COL4A2: variants seen among roughly 807,000 people sequenced by gnomAD.
COL4A2 encodes collagen type IV alpha 2 chain, also known as collagen alpha-2(IV) chain.
A neutral mutation model predicts 200.2 loss-of-function variants in COL4A2; 99 were observed. The ratio of observed to expected loss-of-function variants is 0.49; its 90% CI spans 0.42 to 0.58. COL4A2 has a LOEUF of 0.58. COL4A2 is among the 20% of genes least tolerant of loss of function. The probability of loss-of-function intolerance (pLI) is 0.00; values close to 1 mark genes in which losing one functional copy is unlikely to be tolerated. For missense variants in COL4A2, 1,950 were observed against 2,314.1 expected (o/e 0.84, Z 3.23); for synonymous variants, 897 against 900.6 (o/e 1.00, Z 0.07).
intron 4 of COL4A2, among the ~76,000 whole-genome samples, chr13:110,422,202 A>G (rs1344107326): frequency 6.6e-6 from 1 of 152,204 alleles, no homozygotes; most frequent in Non-Finnish European, 1.5e-5. Flanking sequence ...GTGGCATGGT[A>G]TGTAATCTTA....
At chr13:110,440,682 A>T (rs115633061) in intron 16 of COL4A2, among the ~76,000 whole-genome samples, 1 of 152,208 alleles carries the variant, frequency 6.6e-6, no homozygotes, top group Non-Finnish European at 1.5e-5. Flanking sequence ...ACTCTAGGTC[A>T]TACACAATGT....
At chr13:110,404,156 A>G (rs7990844) in intron 4 of COL4A2, among the ~76,000 whole-genome samples, 89,558 of 152,092 alleles carry the variant, frequency 0.59, 26,970 homozygotes, top group Non-Finnish European at 0.66. Context: ...TCAGACCATA[A>G]CAGTTACTGC....
rs546217895 is a variant in COL4A2, at chr13:110,364,392, A to G, written c.180+6840A>G. ...CTCCAAACTGGCCCATTATCTATCA[A>G]ATCCTCAATGGTGTTATAGTGGTTC... On this transcript the variant is annotated intron_variant, in intron 4 of 47. Transcript: ENST00000360467. Among the ~76,000 whole-genome samples, 35 of 152,288 alleles carry G rather than the reference A, an allele frequency of 2.3e-4. No homozygotes were observed. In the South Asian group the frequency reaches 6.2e-3, roughly 27 times the overall value.
At chr13:110,343,129 G>A (rs1876533431) in intron 3 of COL4A2, among the ~76,000 whole-genome samples, 1 of 152,194 alleles carries the variant, frequency 6.6e-6, no homozygotes, top group South Asian at 2.1e-4. Context: ...TCATACTGCA[G>A]TGACTGTGTG....
intron 3 of COL4A2, among the ~76,000 whole-genome samples, chr13:110,310,248 G>A (rs1018873144): frequency 2.0e-5 from 3 of 152,134 alleles, no homozygotes; most frequent in East Asian, 3.9e-4. Context: ...CAAAGTGCAG[G>A]CCCCCTAGAC....
chr13:110,488,804 G>A (rs959552877), intron 34 of COL4A2, among the ~76,000 whole-genome samples: 1 of 152,222 alleles, frequency 6.6e-6, no homozygotes, highest in African/African-American at 2.4e-5. Context: ...AAGCATGGTG[G>A]AGCGAGGATG....
intron 37 of COL4A2, among the ~76,000 whole-genome samples, chr13:110,491,609 C>T (rs1017938485): frequency 1.3e-5 from 2 of 152,128 alleles, no homozygotes; most frequent in Non-Finnish European, 2.9e-5. Flanking sequence ...ATATAGAAGC[C>T]GACGGTTTGT....
chr13:110,485,154 C>A, intron 33 of COL4A2, 127 bp downstream of exon 33: 1 of 784,104 alleles, frequency 1.3e-6, no homozygotes, highest in Non-Finnish European at 2.0e-6. Context: ...CTTTTCATCT[C>A]TGGGCGCCCT....
chr13:110,466,066 C>G lies in COL4A2; in HGVS notation c.2038+4C>G. The G allele has an allele frequency of 6.2e-7, 1 of 1,613,462 alleles. No homozygotes were observed. The highest frequency in any genetic ancestry group is 8.5e-7 in the Non-Finnish European group (1 of 1,179,516). Reference sequence around the variant, plus strand: ...AGACAGGAGGCCATCCAGCCAGGTACTCTGGGAAGTGCAGGTGGCTTTAGG... The same window carrying G: ...AGACAGGAGGCCATCCAGCCAGGTAGTCTGGGAAGTGCAGGTGGCTTTAGG... On this transcript the variant is annotated splice_donor_region_variant and intron_variant, in intron 26 of 47. Coordinates refer to ENST00000360467, the MANE Select transcript of COL4A2 (RefSeq NM_001846.4).
chr13:110,505,158 G>A (rs1055694927), intron 45 of COL4A2, among the ~76,000 whole-genome samples: 3 of 151,530 alleles, frequency 2.0e-5, no homozygotes, highest in African/African-American at 4.8e-5. Context: ...AGACCATCCT[G>A]GCTAACACGG....
chr13:110,343,583 T>G (rs990852453), intron 3 of COL4A2, among the ~76,000 whole-genome samples: 1 of 152,278 alleles, frequency 6.6e-6, no homozygotes, highest in African/African-American at 2.4e-5. Flanking sequence ...CGCATGGGTG[T>G]GGTGTTGTCC....
chr13:110,485,646 T>C lies in COL4A2; in HGVS notation c.3026-9T>C, dbSNP rs767299407. ...CACCAGAGTGTTACACACCAGGGTC[T>C]TCCTGCAGGTATCCAAGGAATGCCA... On this transcript the variant is annotated splice_polypyrimidine_tract_variant and intron_variant, in intron 33 of 47. Transcript: ENST00000360467. 6.3e-7 allele frequency: 1 copy of C among 1,590,970 alleles called. No individual in the cohort carries two copies. The highest frequency in any genetic ancestry group is 8.5e-7 in the Non-Finnish European group (1 of 1,170,974).
At chr13:110,511,720 C>T (rs1194223523) in intron 47 of COL4A2, among the ~76,000 whole-genome samples, 1 of 151,698 alleles carries the variant, frequency 6.6e-6, no homozygotes, top group Non-Finnish European at 1.5e-5. Context: ...TGCAGCACGT[C>T]CTGGTGCCTG....
At chr13:110,446,894 A>AGCATC (rs746209814) in intron 18 of COL4A2, 30 bp downstream of exon 18, 1 of 1,579,806 alleles carries the variant, frequency 6.3e-7, no homozygotes, top group African/African-American at 1.3e-5. Flanking sequence ...TGCATAGTTC[A>AGCATC]GCATCGCATA....
At chr13:110,405,453 G>A (rs1343871651) in intron 4 of COL4A2, among the ~76,000 whole-genome samples, 2 of 137,652 alleles carry the variant, frequency 1.5e-5, no homozygotes, top group Non-Finnish European at 3.1e-5. Context: ...ACCCCTTCCT[G>A]CCCCTTCTGG....
intron 4 of COL4A2, among the ~76,000 whole-genome samples, chr13:110,372,128 G>A (rs1340311326): frequency 1.3e-5 from 2 of 152,214 alleles, no homozygotes; most frequent in African/African-American, 4.8e-5. Flanking sequence ...GAACAACTGG[G>A]TATTTTGATG....
At chr13:110,492,013 C>A in intron 37 of COL4A2, 57 bp from the exon 38 acceptor site, 1 of 1,469,934 alleles carries the variant, frequency 6.8e-7, no homozygotes, top group Non-Finnish European at 9.2e-7. Flanking sequence ...CAGGACCTCA[C>A]CACACAGCGC....
intron 20 of COL4A2, among the ~76,000 whole-genome samples, chr13:110,454,942 C>G (rs1037628010): frequency 3.9e-5 from 6 of 152,158 alleles, no homozygotes; most frequent in African/African-American, 1.4e-4. Flanking sequence ...AGACCTCTCC[C>G]TTGGTCCTCA....
In COL4A2 at chr13:110,462,363, C is replaced by G; in HGVS notation, c.1755C>G (p.Phe585Leu). The change falls in exon 24 of 48, where the codon TTC (phenylalanine) becomes TTG (leucine). Residue 585 changes from phenylalanine (F) to leucine (L), a missense_variant. Coordinates refer to ENST00000360467, the MANE Select transcript of COL4A2 (RefSeq NM_001846.4). The part of the protein sequence containing the change: ...GSPGRDGLDG[F>L]PGLPGPPGDG... ...CAGGCCGCGATGGGCTCGATGGATT[C>G]CCCGGCCTCCCAGGCCCTCCCGTGA... 1 of 1,613,538 alleles carries G rather than the reference C, an allele frequency of 6.2e-7. No individual in the cohort carries two copies. Among genetic ancestry groups the G allele is most frequent in the Non-Finnish European group, 8.5e-7 (1 of 1,180,006 alleles).
Sources: allele counts gnomAD v4.1 joint callset (sites outside exome capture counted in the v4.1 genomes callset), GRCh38; gene constraint gnomAD v4.1.1; transcripts MANE v1.5; gene names NCBI Gene and HGNC (gene_info 2026-07-23, HGNC 2026-07-21).